The following CDH19 variants were observed in gnomAD, a reference collection of about 807,000 sequenced individuals.
CDH19 encodes the protein cadherin 19, also known as cadherin-19.
A neutral mutation model predicts 64.2 loss-of-function variants in CDH19; 67 were observed. The ratio of observed to expected loss-of-function variants is 1.04; its 90% CI spans 0.86 to 1.28. The LOEUF (loss-of-function observed/expected upper bound fraction) is 1.28, where lower values mean the gene tolerates loss of function less well. Among genes scored for constraint, CDH19 ranks in the 50% most tolerant of loss-of-function variants. The pLI is 0.00. For synonymous variants in CDH19, 346 were observed against 319.3 expected, an observed-to-expected ratio of 1.08 and a Z score of -0.89; for missense variants, 1,030 against 929.0, an observed-to-expected ratio of 1.11 and a Z score of -1.41.
At chr18:66,561,389 AG>A (rs1331363261) in intron 3 of CDH19, among the ~76,000 whole-genome samples, 17 of 152,134 alleles carry the variant, frequency 1.1e-4, no homozygotes, top group Non-Finnish European at 2.5e-4. Flanking sequence ...AGTGGCCACC[AG>A]GATAGCACAC....
intron 3 of CDH19, among the ~76,000 whole-genome samples, chr18:66,556,980 G>T (rs763696699): frequency 6.6e-6 from 1 of 151,910 alleles, no homozygotes; most frequent in Admixed American, 6.6e-5. Context: ...GTAGATTCAT[G>T]TAGCCATTAT....
chr18:66,590,523 CT>C (rs1599040745), intron 1 of CDH19, among the ~76,000 whole-genome samples: 2 of 97,770 alleles, frequency 2.0e-5, no homozygotes, highest in Admixed American at 1.1e-4. Flanking sequence ...ATACGTATAT[CT>C]TTAAAAAAAA....
At chr18:66,564,803 C>T (rs560955623) in intron 3 of CDH19, among the ~76,000 whole-genome samples, 11 of 151,166 alleles carry the variant, frequency 7.3e-5, no homozygotes, top group African/African-American at 7.3e-5. Flanking sequence ...ATAAGTTACC[C>T]GACTCTGCTT....
At chr18:66,534,241 A>T (rs1986569690) in intron 8 of CDH19, among the ~76,000 whole-genome samples, 1 of 151,972 alleles carries the variant, frequency 6.6e-6, no homozygotes, top group African/African-American at 2.4e-5. Context: ...GCCTCCTTTT[A>T]TGGTTTAGTT....
At chr18:66,590,199 A>G (rs916672714) in intron 1 of CDH19, among the ~76,000 whole-genome samples, 3 of 151,920 alleles carry the variant, frequency 2.0e-5, no homozygotes, top group African/African-American at 7.2e-5. Flanking sequence ...AACAAGCCTC[A>G]AAGATGACTT....
chr18:66,509,383 G>T (rs1189940103), intron 10 of CDH19, 137 bp from the exon 11 acceptor site: 2 of 649,324 alleles, frequency 3.1e-6, no homozygotes, highest in East Asian at 2.8e-5. Flanking sequence ...AATTTCTGAC[G>T]AGAAGACAAC....
At chr18:66,541,862 T>C (rs1416110705) in intron 7 of CDH19, among the ~76,000 whole-genome samples, 1 of 152,124 alleles carries the variant, frequency 6.6e-6, no homozygotes, top group African/African-American at 2.4e-5. Context: ...ACAAAACCTC[T>C]TAATATTTGG....
chr18:66,551,439 A>C (rs1987341081), intron 4 of CDH19, among the ~76,000 whole-genome samples, 181 bp from the exon 5 acceptor site: 1 of 152,092 alleles, frequency 6.6e-6, no homozygotes, highest in South Asian at 2.1e-4. Flanking sequence ...CCTAGAGTCT[A>C]GAGTGATCAT....
At chr18:66,552,097 CTGAT>C (rs944423217) in intron 4 of CDH19, among the ~76,000 whole-genome samples, 11 of 152,086 alleles carry the variant, frequency 7.2e-5, no homozygotes, top group African/African-American at 2.4e-4. Flanking sequence ...TGAAAAACTT[CTGAT>C]TGGGTAGCAT....
At chr18:66,554,593 G>C (rs1041015155) in intron 3 of CDH19, 69 bp from the exon 4 acceptor site, 3 of 1,335,930 alleles carry the variant, frequency 2.2e-6, no homozygotes, top group Non-Finnish European at 2.0e-6. Flanking sequence ...TCTGTGAAGC[G>C]GTCTTTCTTT....
Position 66,575,182 on chromosome 18 carries a change from T to C in CDH19, c.-112-2866A>G, listed in dbSNP as rs181652961. On this transcript the variant is annotated intron_variant, in intron 1 of 11. Coordinates refer to ENST00000262150, the MANE Select transcript of CDH19 (RefSeq NM_021153.4). ...CCTGTGGATCATTTCATTATAATGGTAGTGCTACAAAAAACTAAGTCATTT... is the reference window on the plus strand; with the variant it reads ...CCTGTGGATCATTTCATTATAATGGCAGTGCTACAAAAAACTAAGTCATTT... Among the ~76,000 whole-genome samples, 4 of 151,958 alleles carry C rather than the reference T, an allele frequency of 2.6e-5. No individual in the cohort carries two copies. The East Asian group carries it at 7.8e-4, about 29-fold the overall frequency.
chr18:66,588,238 C>T (rs1179143958), intron 1 of CDH19, among the ~76,000 whole-genome samples: 1 of 152,094 alleles, frequency 6.6e-6, no homozygotes, highest in African/African-American at 2.4e-5. Flanking sequence ...GGATGGCACC[C>T]TGTCTAGGGT....
intron 3 of CDH19, among the ~76,000 whole-genome samples, chr18:66,557,796 A>T (rs973729862): frequency 4.0e-5 from 6 of 151,810 alleles, no homozygotes; most frequent in African/African-American, 1.2e-4. Context: ...GTGTATTTAC[A>T]TATGTGTATA....
chr18:66,547,730 G>C lies in CDH19; in HGVS notation c.776-2827C>G, dbSNP rs552183477. ...TCGCCCAGGCTGGAGTGCAGTGGCGGGATCTCGGCTCACTGCAAGCTCCGC... is the reference window on the plus strand; with the variant it reads ...TCGCCCAGGCTGGAGTGCAGTGGCGCGATCTCGGCTCACTGCAAGCTCCGC... On this transcript the variant is annotated intron_variant, in intron 5 of 11. Transcript: ENST00000262150. Among the ~76,000 whole-genome samples, 17 of 135,858 alleles carry C rather than the reference G, an allele frequency of 1.3e-4. 1 individual carries two copies. Among genetic ancestry groups the C allele is most frequent in the African/African-American group, 4.6e-4 (15 of 32,406 alleles). 89.1% of individuals were successfully genotyped at this position (135,858 alleles called of 152,430 possible).
chr18:66,567,468 T>G (rs1987951074), intron 3 of CDH19, among the ~76,000 whole-genome samples: 1 of 151,878 alleles, frequency 6.6e-6, no homozygotes, highest in South Asian at 2.1e-4. Context: ...TTTGTCTTGA[T>G]ATATATTACA....
At position 66,502,985 on chromosome 18, in the gene CDH19, A is replaced by G. The variant is rs934215456; in HGVS notation, c.*1827T>C. The G allele has an allele frequency of 1.3e-5, 2 of 151,904 alleles. No homozygotes were observed. Among genetic ancestry groups the G allele is most frequent in the Admixed American group, 6.6e-5 (1 of 15,214 alleles). The allele number at this position is 151,904 out of a possible 1,614,324, so 9.4% of individuals were successfully genotyped here. On this transcript the variant is annotated 3_prime_UTR_variant, in exon 12 of 12. Transcript: ENST00000262150. ...TTAAATTTCAAAGTACCAATAAAAT[A>G]TATTATAACCATTTAACTACTTCAT...
In CDH19 at chr18:66,535,109, T is replaced by A; in HGVS notation, c.1215-2A>T. On this transcript the variant is annotated splice_acceptor_variant, in intron 7 of 11. Transcript: ENST00000262150. LOFTEE classifies it high-confidence loss of function. ...ACTTTGCTCCTAGTAATAGAATACC[T>A]GAACCAAAAGGAAAGTATACCTTAA... The A allele has an allele frequency of 6.9e-7, 1 of 1,450,092 alleles. No individual in the cohort carries two copies. Among genetic ancestry groups the A allele is most frequent in the Non-Finnish European group, 9.3e-7 (1 of 1,072,276 alleles). The allele number at this position is 1,450,092 out of a possible 1,614,324, so 89.8% of individuals were successfully genotyped here.
At chr18:66,541,576 G>T (rs1276793526) in intron 7 of CDH19, among the ~76,000 whole-genome samples, 4 of 151,946 alleles carry the variant, frequency 2.6e-5, no homozygotes, top group Non-Finnish European at 4.4e-5. Flanking sequence ...GATGTATTTT[G>T]AATGTTTGTT....
chr18:66,503,316 G>A lies in CDH19; in HGVS notation c.*1496C>T, dbSNP rs1985027293. On this transcript the variant is annotated 3_prime_UTR_variant, in exon 12 of 12. Coordinates refer to ENST00000262150, the MANE Select transcript of CDH19 (RefSeq NM_021153.4). The stretch of plus-strand genomic sequence containing the variant: ...TTTCCTTCTTAAGGCTACAATAAAT[G>A]TATCTATTGCACCTAATTTTATATT... 6.6e-6 allele frequency: 1 copy of A among 151,736 alleles called. No homozygotes were observed. The highest frequency in any genetic ancestry group is 1.5e-5 in the Non-Finnish European group (1 of 67,798). The allele number at this position is 151,736 out of a possible 1,614,324, so 9.4% of individuals were successfully genotyped here. A position where few individuals can be genotyped will look rare whatever the true frequency, so the allele number is the denominator to read the frequency against.
Sources: gnomAD v4.1 joint callset for allele counts (sites outside exome capture counted in the v4.1 genomes callset) on GRCh38, gnomAD v4.1.1 for gene constraint, MANE v1.5 for transcripts, NCBI Gene and HGNC (gene_info 2026-07-23, HGNC 2026-07-21) for gene names.